Variants in KDF1 observed in about 807,000 individuals in gnomAD.
KDF1 encodes RP11-344H11.3.
KDF1 carries 11 observed loss-of-function variants against 31.6 expected under a neutral mutation model. The observed-to-expected ratio is 0.35, with a 90% CI of 0.22 to 0.58. The LOEUF (loss-of-function observed/expected upper bound fraction) is 0.58. Among genes scored for constraint, KDF1 ranks in the 20% least tolerant of loss-of-function variants. The pLI, the probability that KDF1 is intolerant of heterozygous loss-of-function variation, is 0.83. For missense variants in KDF1, 476 were observed against 549.1 expected, an observed-to-expected ratio of 0.87 and a Z score of 1.33; for synonymous variants, 205 against 214.4, an observed-to-expected ratio of 0.96 and a Z score of 0.38.
chr1:26,959,577 A>C (rs2124166369), intron 1 of KDF1, among the ~76,000 whole-genome samples: 1 of 152,120 alleles, frequency 6.6e-6, no homozygotes, highest in South Asian at 2.1e-4. Context: ...TCACTAGGCG[A>C]TCTAAGGCAC....
chr1:26,954,830 T>C (rs1179894361), intron 1 of KDF1, among the ~76,000 whole-genome samples: 1 of 136,996 alleles, frequency 7.3e-6, no homozygotes, highest in East Asian at 2.3e-4. Flanking sequence ...GGCAAGACTC[T>C]GTCTCAAAAA....
At chr1:26,956,540 A>G (rs1057193837) in intron 1 of KDF1, among the ~76,000 whole-genome samples, 17 of 152,238 alleles carry the variant, frequency 1.1e-4, no homozygotes, top group Admixed American at 4.6e-4. Flanking sequence ...TCAAAAATGC[A>G]TAACCTGAAT....
Position 26,949,839 on chromosome 1 carries a change from G to T in KDF1, c.*230C>A, listed in dbSNP as rs2082338641. 2 of 492,366 alleles carry T rather than the reference G, an allele frequency of 4.1e-6. No homozygotes were observed. Among genetic ancestry groups the T allele is most frequent in the Non-Finnish European group, 7.4e-6 (2 of 269,020 alleles). 30.5% of individuals were successfully genotyped at this position (492,366 alleles called of 1,614,324 possible). A position where few individuals can be genotyped will look rare whatever the true frequency, so the allele number is the denominator to read the frequency against. On this transcript the variant is annotated 3_prime_UTR_variant, in exon 4 of 4. Coordinates refer to ENST00000320567, the MANE Select transcript of KDF1 (RefSeq NM_152365.3). The stretch of plus-strand genomic sequence containing the variant: ...CAGGCCACCTGAAGACCATGAGCAG[G>T]AAGGAAGGGGCCCTGGCAGGGATCA...
chr1:26,956,185 G>A (rs17356923), intron 1 of KDF1, among the ~76,000 whole-genome samples: 10,153 of 152,088 alleles, frequency 0.067, 375 homozygotes, highest in Non-Finnish European at 0.079. Flanking sequence ...GTCTTAAACC[G>A]GGGGTGTGTG....
At position 26,951,447 on chromosome 1, in the gene KDF1, G is replaced by A. The variant is rs1299130029; in HGVS notation, c.934C>T (p.Arg312Cys). Residue 312 changes from arginine to cysteine, a missense_variant, in exon 2 of 4, where the codon CGC becomes TGC. Physicochemically the swap from Arg to Cys is radical, Grantham distance 180 (BLOSUM62 -3). This residue lies in a region of KDF1 where 146 missense variants were observed against 216.8 expected (regional missense o/e 0.67). Transcript: ENST00000320567. The surrounding 1 kb of genome is among the most constrained non-coding windows in gnomAD (Gnocchi z 5.4). ...GAACGACCCTCCGAGGTCTGTGGGC[G>A]AGCACGGCTCTTTCGGGTACTAATG... ...IRISTRKSRA[R>C]PQTSEGRSTR... 5.0e-6 allele frequency: 8 copies of A among 1,613,748 alleles called. No individual in the cohort carries two copies. The highest frequency in any genetic ancestry group is 1.7e-5 in the Admixed American group (1 of 59,994).
At position 26,951,977 on chromosome 1, in the gene KDF1, G is replaced by C. The variant is rs2082352500; in HGVS notation, c.404C>G (p.Pro135Arg). 2.5e-6 allele frequency: 4 copies of C among 1,609,386 alleles called. No individual in the cohort carries two copies. The South Asian group carries it at 3.3e-5, about 13-fold the overall frequency. ...GGGGGGTGCACGATCAGGGCTGGGG[G>C]GCACTCCATTGTGCTCCTTGGCCCA... ...ANWAKEHNGV[P>R]PSPDRAPPSR... Residue 135 changes from proline to arginine, a missense_variant, in exon 2 of 4, where the codon CCC becomes CGC. Physicochemically the swap from Pro to Arg is moderately radical, Grantham distance 103 (BLOSUM62 -2). Transcript: ENST00000320567. This position sits in a 1 kb window ranked among gnomAD's most constrained non-coding sequence, Gnocchi z 5.4.
At position 26,951,232 on chromosome 1, in the gene KDF1, C is replaced by T; in HGVS notation, c.1039+110G>A. The T allele has an allele frequency of 8.8e-7, 1 of 1,139,578 alleles. No individual in the cohort carries two copies. Among genetic ancestry groups the T allele is most frequent in the East Asian group, 2.6e-5 (1 of 38,482 alleles). 70.6% of individuals were successfully genotyped at this position (1,139,578 alleles called of 1,614,324 possible). The stretch of plus-strand genomic sequence containing the variant: ...AGTTGACAGAAAGGAGGAGGAAAGG[C>T]AGGGACTGGCTGAGGGGTAGACCCA... On this transcript the variant is annotated intron_variant, in intron 2 of 3. Transcript: ENST00000320567. The surrounding 1 kb of genome is among the most constrained non-coding windows in gnomAD (Gnocchi z 5.4).
chr1:26,958,879 A>G (rs2082388801), intron 1 of KDF1, among the ~76,000 whole-genome samples: 1 of 152,172 alleles, frequency 6.6e-6, no homozygotes, highest in Non-Finnish European at 1.5e-5. Flanking sequence ...CTGAGGATGG[A>G]CTGGCTATTG....
intron 1 of KDF1, among the ~76,000 whole-genome samples, chr1:26,957,891 T>A (rs2082383999): frequency 6.6e-6 from 1 of 152,112 alleles, no homozygotes; most frequent in Non-Finnish European, 1.5e-5. Context: ...CTTGGCTCAC[T>A]GCAACCTCTG....
Position 26,949,986 on chromosome 1 carries a change from C to G in KDF1, c.*83G>C, listed in dbSNP as rs776849290. 1 of 1,427,144 alleles carries G rather than the reference C, an allele frequency of 7.0e-7. No homozygotes were observed. Among genetic ancestry groups the G allele is most frequent in the Non-Finnish European group, 9.8e-7 (1 of 1,021,630 alleles). 88.4% of individuals were successfully genotyped at this position (1,427,144 alleles called of 1,614,324 possible). A position where few individuals can be genotyped will look rare whatever the true frequency, so the allele number is the denominator to read the frequency against. On this transcript the variant is annotated 3_prime_UTR_variant, in exon 4 of 4. Transcript: ENST00000320567. ...GGCACTGCTTCAGGTCTAAGCCTCTCCCACAGGGGTTCCTGGTCCCCCTCT... is the reference window on the plus strand; with the variant it reads ...GGCACTGCTTCAGGTCTAAGCCTCTGCCACAGGGGTTCCTGGTCCCCCTCT...
At chr1:26,957,989 G>A (rs1425985211) in intron 1 of KDF1, among the ~76,000 whole-genome samples, 1 of 151,304 alleles carries the variant, frequency 6.6e-6, no homozygotes, top group Admixed American at 6.6e-5. Context: ...TAATTTTTTT[G>A]TATTTTTAAT....
chr1:26,959,874 G>A (rs754536358), intron 1 of KDF1, among the ~76,000 whole-genome samples: 4 of 152,150 alleles, frequency 2.6e-5, no homozygotes, highest in Admixed American at 2.0e-4. Context: ...GGTGCAGCCC[G>A]AGAGTCCCAT....
intron 1 of KDF1, among the ~76,000 whole-genome samples, chr1:26,959,660 C>T (rs906851994): frequency 3.4e-5 from 5 of 148,008 alleles, no homozygotes; most frequent in South Asian, 2.3e-4. Context: ...CTTTCCTCTT[C>T]CCCCTTAGTC....
rs747723043 is a variant in KDF1 at position 26,951,792 on chromosome 1, G to T, written c.589C>A (p.Pro197Thr). The change falls in exon 2 of 4, where the codon CCC becomes ACC. Residue 197 changes from proline to threonine, a missense_variant. This residue lies in a region of KDF1 where 330 missense variants were observed against 332.3 expected (regional missense o/e 0.99). Transcript: ENST00000320567. This position sits in a 1 kb window ranked among gnomAD's most constrained non-coding sequence, Gnocchi z 5.4. ...CCKEPLADPP[P>T]MRHSLPSTFA... Reference sequence around the variant, plus strand: ...GTGCTGGGCAGGCTGTGTCGCATGGGTGGGGGATCGGCCAGTGGCTCCTTG... The same window carrying T: ...GTGCTGGGCAGGCTGTGTCGCATGGTTGGGGGATCGGCCAGTGGCTCCTTG... 1.9e-5 allele frequency: 31 copies of T among 1,614,018 alleles called. No homozygotes were observed. The East Asian group carries it at 6.9e-4, about 36-fold the overall frequency.
rs2082340883 is a variant in KDF1 at position 26,950,191 on chromosome 1, G to A, written c.1115-40C>T. 8 of 1,559,046 alleles carry A rather than the reference G, an allele frequency of 5.1e-6. No individual in the cohort carries two copies. The highest frequency in any genetic ancestry group is 1.1e-5 in the South Asian group (1 of 89,764). ...AGGAGAGGAGGAAACAGGCTCAGGG[G>A]AAGGAGCTCATCCAGATCCCATGAC... On this transcript the variant is annotated intron_variant, in intron 3 of 3. Transcript: ENST00000320567. The surrounding 1 kb of genome is among the most constrained non-coding windows in gnomAD (Gnocchi z 4.0).
At position 26,950,353 on chromosome 1, in the gene KDF1, C is replaced by A. The variant is rs188091630; in HGVS notation, c.1115-202G>T. ...TCTGTAAAAGGATAATGATTCCACTCCCAGGGGGTTGTTGTCAAGGGCAAG... is the reference window on the plus strand; with the variant it reads ...TCTGTAAAAGGATAATGATTCCACTACCAGGGGGTTGTTGTCAAGGGCAAG... On this transcript the variant is annotated intron_variant, in intron 3 of 3. Coordinates refer to ENST00000320567, the MANE Select transcript of KDF1 (RefSeq NM_152365.3). The surrounding 1 kb of genome is among the most constrained non-coding windows in gnomAD (Gnocchi z 4.0). Among the ~76,000 whole-genome samples, 1 of 152,302 alleles carries A rather than the reference C, an allele frequency of 6.6e-6. No individual in the cohort carries two copies. Among genetic ancestry groups the A allele is most frequent in the Non-Finnish European group, 1.5e-5 (1 of 68,024 alleles).
intron 1 of KDF1, among the ~76,000 whole-genome samples, chr1:26,959,960 C>T (rs1045485049): frequency 2.6e-5 from 4 of 152,192 alleles, no homozygotes; most frequent in Non-Finnish European, 5.9e-5. Flanking sequence ...ACAGCCCCTA[C>T]ACCAACTCTG....
rs145215591 is a variant in KDF1, at chr1:26,950,957, G to C, written c.1040-201C>G. Among the ~76,000 whole-genome samples the C allele has an allele frequency of 8.5e-5, 13 of 152,326 alleles. No homozygotes were observed. Among genetic ancestry groups the C allele is most frequent in the South Asian group, 2.1e-4 (1 of 4,828 alleles). On this transcript the variant is annotated intron_variant, in intron 2 of 3. Transcript: ENST00000320567. This position sits in a 1 kb window ranked among gnomAD's most constrained non-coding sequence, Gnocchi z 4.0. ...TGGGAGTTTTGGTTAGCCCAGAACA[G>C]GTCAGAGGCCCAAATTCATGTGGGT...
At chr1:26,955,288 A>T (rs926292423) in intron 1 of KDF1, among the ~76,000 whole-genome samples, 1 of 152,224 alleles carries the variant, frequency 6.6e-6, no homozygotes, top group African/African-American at 2.4e-5. Flanking sequence ...GCTGCTCAAC[A>T]AATGCCTTTC....
Sources: allele counts gnomAD v4.1 joint callset (sites outside exome capture counted in the v4.1 genomes callset), GRCh38; gene constraint gnomAD v4.1.1; regional missense constraint gnomAD v4.1.1; non-coding constraint Gnocchi (gnomAD v3.1); transcripts MANE v1.5; gene names NCBI Gene and HGNC (gene_info 2026-07-23, HGNC 2026-07-21).